TSBP1: variants seen among roughly 807,000 people sequenced by gnomAD.
The protein encoded by TSBP1 is testis expressed basic protein 1, also known as testis-expressed basic protein 1.
In TSBP1, 56 loss-of-function variants were observed where a neutral mutation model predicts 68.8. That is an observed-to-expected ratio of 0.81 (90% CI 0.66 to 1.02). TSBP1 has a LOEUF of 1.02. Among genes scored for constraint, TSBP1 ranks in the 50% least tolerant of loss-of-function variants. The pLI is 0.00. For synonymous variants in TSBP1, 171 were observed against 208.7 expected (o/e 0.82, Z 1.56); for missense variants, 502 against 641.2 (o/e 0.78, Z 2.34).
Position 32,357,403 on chromosome 6 carries a change from A to T in TSBP1, c.218-1734T>A, listed in dbSNP as rs1772470502. 6.6e-6 allele frequency among the ~76,000 whole-genome samples: 1 copy of T among 152,226 alleles called. No homozygotes were observed. The highest frequency in any genetic ancestry group is 1.5e-5 in the Non-Finnish European group (1 of 68,032). ...AAAATTTGGAATTAGACAATTCTAA[A>T]TTCCTATCCAGGTTGTCACTTCCAA... On this transcript the variant is annotated intron_variant, in intron 6 of 22. Coordinates refer to ENST00000612031, the Ensembl canonical transcript of TSBP1. This position sits in a 1 kb window ranked among gnomAD's most constrained non-coding sequence, Gnocchi z 4.7.
At position 32,306,520 on chromosome 6, in the gene TSBP1, A is replaced by G. The variant is rs1048052866; in HGVS notation, c.581-3891T>C. Among the ~76,000 whole-genome samples the G allele has an allele frequency of 3.3e-5, 5 of 152,024 alleles. No homozygotes were observed. The highest frequency in any genetic ancestry group is 1.2e-4 in the African/African-American group (5 of 41,380). ...TTCATCCCACCAACCCTTGTCTCTC[A>G]TGTCTGGCTTTTCAGCTGCAAGCAG... On this transcript the variant is annotated intron_variant, in intron 19 of 22. Transcript: ENST00000612031. This position sits in a 1 kb window ranked among gnomAD's most constrained non-coding sequence, Gnocchi z 5.1.
At position 32,366,304 on chromosome 6, in the gene TSBP1, T is replaced by G; in HGVS notation, c.167-2A>C. 6.3e-7 allele frequency: 1 copy of G among 1,599,556 alleles called. No individual in the cohort carries two copies. The highest frequency in any genetic ancestry group is 8.5e-7 in the Non-Finnish European group (1 of 1,172,278). The stretch of plus-strand genomic sequence containing the variant: ...GTGTTGAATATGCATGTCGGGATCC[T>G]AAAAGAGAAGATAAAAACATAATGA... On this transcript the variant is annotated splice_acceptor_variant, in intron 4 of 22. Coordinates refer to ENST00000612031, the Ensembl canonical transcript of TSBP1. LOFTEE classifies it high-confidence loss of function.
chr6:32,335,775 A>AGGTTGAAGAAAAATAAG lies in TSBP1; in HGVS notation c.451+120_451+136dup, dbSNP rs1769581020. ...GCTAATCATGACTTACTGAAATGCTAGGTTGAAGAAAAATAAGGGTTGAAG... is the reference window on the plus strand; with the variant it reads ...GCTAATCATGACTTACTGAAATGCTAGGTTGAAGAAAAATAAGGGTTGAAGAAAAATAAGGGTTGAAG... On this transcript the variant is annotated intron_variant, in intron 13 of 22. Coordinates refer to ENST00000612031, the Ensembl canonical transcript of TSBP1. The surrounding 1 kb of genome is among the most constrained non-coding windows in gnomAD (Gnocchi z 5.5). The AGGTTGAAGAAAAATAAG allele has an allele frequency of 3.3e-5, 23 of 698,710 alleles. 1 individual carries two copies. The South Asian group carries it at 3.9e-4, about 12-fold the overall frequency. The allele number at this position is 698,710 out of a possible 1,614,324, so 43.3% of individuals were successfully genotyped here. A position where few individuals can be genotyped will look rare whatever the true frequency, so the allele number is the denominator to read the frequency against.
At position 32,365,320 on chromosome 6, in the gene TSBP1, C is replaced by G; in HGVS notation, c.217+847G>C. ...CAAGTTTGTGTCCTTTTTTCCAATCCCACAAAGTCAAACTGACTGTGAGAT... is the reference window on the plus strand; with the variant it reads ...CAAGTTTGTGTCCTTTTTTCCAATCGCACAAAGTCAAACTGACTGTGAGAT... On this transcript the variant is annotated intron_variant, in intron 6 of 22. Coordinates refer to ENST00000612031, the Ensembl canonical transcript of TSBP1. The surrounding 1 kb of genome is among the most constrained non-coding windows in gnomAD (Gnocchi z 4.3). The G allele has an allele frequency of 2.2e-6, 1 of 456,928 alleles. No individual in the cohort carries two copies. The highest frequency in any genetic ancestry group is 4.4e-6 in the Non-Finnish European group (1 of 227,008). 28.3% of individuals were successfully genotyped at this position (456,928 alleles called of 1,614,324 possible).
chr6:32,318,706 A>C (rs1767250919), intron 18 of TSBP1, among the ~76,000 whole-genome samples: 1 of 152,176 alleles, frequency 6.6e-6, no homozygotes, highest in Non-Finnish European at 1.5e-5. Flanking sequence ...GAATCTATAG[A>C]GACAGAAAGA....
chr6:32,365,468 CAGGCTTTCTGATG>C lies in TSBP1; in HGVS notation c.217+686_217+698del, dbSNP rs1022418541. ...AGCATAGGTCACGCATCTCAAATGG[CAGGCTTTCTGATG>C]AGGCTTTCTGATGAGTGGGTTCTGC... On this transcript the variant is annotated intron_variant, in intron 6 of 22. Coordinates refer to ENST00000612031, the Ensembl canonical transcript of TSBP1. This position sits in a 1 kb window ranked among gnomAD's most constrained non-coding sequence, Gnocchi z 4.3. 11 of 456,698 alleles carry C rather than the reference CAGGCTTTCTGATG, an allele frequency of 2.4e-5. No individual in the cohort carries two copies. The highest frequency in any genetic ancestry group is 7.0e-5 in the Admixed American group (3 of 42,566). 28.3% of individuals were successfully genotyped at this position (456,698 alleles called of 1,614,324 possible).
chr6:32,323,161 T>A, intron 17 of TSBP1, 24 bp from the exon 19 acceptor site: 1 of 1,500,364 alleles, frequency 6.7e-7, no homozygotes, highest in Non-Finnish European at 9.2e-7. Context: ...TAGATATTGG[T>A]GAAGATTTCT....
At chr6:32,364,582 GTTTT>G (rs962863934) in intron 6 of TSBP1, among the ~76,000 whole-genome samples, 1 of 147,466 alleles carries the variant, frequency 6.8e-6, no homozygotes, top group African/African-American at 2.5e-5. Flanking sequence ...GCTCTGTTTT[GTTTT>G]TTTTTCTCTT....
chr6:32,364,582 GTT>G (rs962863934), intron 6 of TSBP1, among the ~76,000 whole-genome samples: 1 of 147,466 alleles, frequency 6.8e-6, no homozygotes, highest in African/African-American at 2.5e-5. Context: ...GCTCTGTTTT[GTT>G]TTTTTTTCTC....
chr6:32,298,701 T>G (rs1764964375), intron 22 of TSBP1, among the ~76,000 whole-genome samples: 1 of 152,226 alleles, frequency 6.6e-6, no homozygotes, highest in South Asian at 2.1e-4. Flanking sequence ...CACGATTAAA[T>G]ATAAGGACAT....
chr6:32,324,225 C>A (rs1206609599), intron 16 of TSBP1, among the ~76,000 whole-genome samples: 1 of 152,010 alleles, frequency 6.6e-6, no homozygotes, highest in Non-Finnish European at 1.5e-5. Flanking sequence ...AAAGGTGATA[C>A]AAATTTTTCT....
intron 19 of TSBP1, among the ~76,000 whole-genome samples, chr6:32,311,566 C>T (rs150843334): frequency 4.1e-4 from 62 of 152,234 alleles, no homozygotes; most frequent in African/African-American, 1.3e-3. Flanking sequence ...TGCTGCTCGC[C>T]GGCCTTGACA....
At chr6:32,317,009 G>GCAACCC (rs1767030044) in intron 18 of TSBP1, among the ~76,000 whole-genome samples, 1 of 152,120 alleles carries the variant, frequency 6.6e-6, no homozygotes, top group African/African-American at 2.4e-5. Flanking sequence ...TTTTAAGAGG[G>GCAACCC]GTTGGCCTGA....
chr6:32,300,484 A>G (rs1306889485), intron 21 of TSBP1, among the ~76,000 whole-genome samples, 196 bp downstream of exon 24: 2 of 152,218 alleles, frequency 1.3e-5, no homozygotes, highest in East Asian at 1.9e-4. Context: ...CTAGAATCAA[A>G]CACAAGACCA....
chr6:32,350,125 C>G, intron 8 of TSBP1: 3 of 549,706 alleles, frequency 5.5e-6, no homozygotes, highest in Non-Finnish European at 1.0e-5. Context: ...TTTCCTCCAC[C>G]TCTTCCTCTC....
chr6:32,368,626 A>G, intron 3 of TSBP1, among the ~76,000 whole-genome samples, 156 bp downstream of exon 3: 1 of 152,214 alleles, frequency 6.6e-6, no homozygotes, highest in East Asian at 1.9e-4. Context: ...AATCTCTGGT[A>G]GATTTCTCCC....
chr6:32,317,006 AG>A (rs1214005665), intron 18 of TSBP1, among the ~76,000 whole-genome samples: 1 of 152,192 alleles, frequency 6.6e-6, no homozygotes, highest in African/African-American at 2.4e-5. Context: ...GGGTTTTAAG[AG>A]GGGTTGGCCT....
At chr6:32,362,003 G>A (rs1773077593) in intron 6 of TSBP1, among the ~76,000 whole-genome samples, 1 of 152,024 alleles carries the variant, frequency 6.6e-6, no homozygotes, top group Non-Finnish European at 1.5e-5. Flanking sequence ...CATAAGAAGA[G>A]GAACGGGCCG....
chr6:32,346,499 A>G (rs911654733), intron 9 of TSBP1, among the ~76,000 whole-genome samples: 6 of 151,944 alleles, frequency 3.9e-5, no homozygotes, highest in African/African-American at 7.3e-5. Context: ...ACTTCTCCAA[A>G]CGTTTTCTTC....
Sources: gnomAD v4.1 joint callset for allele counts (sites outside exome capture counted in the v4.1 genomes callset) on GRCh38, gnomAD v4.1.1 for gene constraint, Gnocchi (gnomAD v3.1) non-coding constraint, MANE v1.5 for transcripts, NCBI Gene and HGNC (gene_info 2026-07-23, HGNC 2026-07-21) for gene names.